MIPEP: variants seen among roughly 807,000 people sequenced by gnomAD.
MIPEP encodes the protein mitochondrial intermediate peptidase.
A neutral mutation model predicts 90.3 loss-of-function variants in MIPEP; 79 were observed. The ratio of observed to expected loss-of-function variants is 0.87; its 90% CI spans 0.73 to 1.05. The LOEUF (loss-of-function observed/expected upper bound fraction) is 1.05, where lower values mean the gene tolerates loss of function less well. Ranked by LOEUF, MIPEP falls within the 50% of genes least tolerant of loss-of-function variation. The pLI is 0.00. For missense variants in MIPEP, 940 were observed against 905.6 expected (o/e 1.04, Z -0.49); for synonymous variants, 334 against 315.8 (o/e 1.06, Z -0.61).
At chr13:23,781,774 T>C (rs1186261006) in intron 16 of MIPEP, among the ~76,000 whole-genome samples, 1 of 151,362 alleles carries the variant, frequency 6.6e-6, no homozygotes, top group Admixed American at 6.6e-5. Context: ...ACCAAGCAAA[T>C]GGAAAACAAA....
At chr13:23,831,707 C>G (rs1868775613) in intron 14 of MIPEP, among the ~76,000 whole-genome samples, 1 of 152,152 alleles carries the variant, frequency 6.6e-6, no homozygotes, top group African/African-American at 2.4e-5. Context: ...ACCCAGCCTC[C>G]AGAGAGAGCT....
intron 2 of MIPEP, among the ~76,000 whole-genome samples, chr13:23,884,399 A>G (rs1593211647): frequency 6.6e-6 from 1 of 152,196 alleles, no homozygotes; most frequent in Admixed American, 6.5e-5. Context: ...TTTTTTAAAG[A>G]TGGAGAGGCT....
At chr13:23,764,594 T>C (rs1248510484) in intron 16 of MIPEP, among the ~76,000 whole-genome samples, 1 of 152,244 alleles carries the variant, frequency 6.6e-6, no homozygotes, top group African/African-American at 2.4e-5. Context: ...GGTCTCACTC[T>C]GTGACTCAGG....
chr13:23,855,780 G>C (rs1338635139), intron 10 of MIPEP, among the ~76,000 whole-genome samples: 3 of 152,092 alleles, frequency 2.0e-5, no homozygotes, highest in Non-Finnish European at 2.9e-5. Context: ...TTCTTTTACT[G>C]AGTTAATAGT....
intron 14 of MIPEP, among the ~76,000 whole-genome samples, chr13:23,819,699 T>C (rs1011306482): frequency 6.6e-6 from 1 of 151,912 alleles, no homozygotes; most frequent in Non-Finnish European, 1.5e-5. Flanking sequence ...AATTCTCCAC[T>C]TTTTATTAAA....
At chr13:23,842,741 G>A (rs1242585020) in intron 10 of MIPEP, among the ~76,000 whole-genome samples, 1 of 152,206 alleles carries the variant, frequency 6.6e-6, no homozygotes, top group Admixed American at 6.5e-5. Context: ...GAGGGCAAAG[G>A]AGAGCATGAT....
intron 16 of MIPEP, among the ~76,000 whole-genome samples, chr13:23,775,837 T>C (rs1262189827): frequency 6.6e-6 from 1 of 152,192 alleles, no homozygotes; most frequent in East Asian, 1.9e-4. Context: ...TTCTGTTTCA[T>C]CAGCATAATG....
rs539976620 is a variant in MIPEP at position 23,854,857 on chromosome 13, A to G, written c.1106+4003T>C. Among the ~76,000 whole-genome samples, 174 of 151,952 alleles carry G rather than the reference A, an allele frequency of 1.1e-3. 1 individual carries two copies. Among genetic ancestry groups the G allele is most frequent in the African/African-American group, 4.1e-3 (168 of 41,438 alleles). ...CAGCGAGCTGAGATCACGTCACTGCACTCCAGCCTGGGCAACAGAGGAAGA... is the reference window on the plus strand; with the variant it reads ...CAGCGAGCTGAGATCACGTCACTGCGCTCCAGCCTGGGCAACAGAGGAAGA... On this transcript the variant is annotated intron_variant, in intron 10 of 18. Transcript: ENST00000382172.
intron 13 of MIPEP, among the ~76,000 whole-genome samples, chr13:23,837,046 A>G (rs1053949306): frequency 3.9e-5 from 6 of 152,244 alleles, no homozygotes; most frequent in African/African-American, 1.2e-4. Flanking sequence ...GAAGTCTGTA[A>G]TATCACAAAA....
In MIPEP at chr13:23,741,220, G is replaced by A. The variant is rs112584818; in HGVS notation, c.2045-10775C>T. Among the ~76,000 whole-genome samples, 1,060 of 152,288 alleles carry A rather than the reference G, an allele frequency of 7.0e-3. 17 individuals are homozygous for A. The highest frequency in any genetic ancestry group is 0.025 in the African/African-American group (1,019 of 41,552). ...AAAGGAATGCTTATACACTGTTGGC[G>A]GGGGTATAAATTAGTTCAGCCATTG... On this transcript the variant is annotated intron_variant, in intron 18 of 18. Transcript: ENST00000382172.
At chr13:23,858,317 T>A (rs535551324) in intron 10 of MIPEP, among the ~76,000 whole-genome samples, 1 of 151,464 alleles carries the variant, frequency 6.6e-6, no homozygotes, top group Non-Finnish European at 1.5e-5. Context: ...GCCAGAGGAG[T>A]ACTTCTGTCA....
chr13:23,874,815 G>T (rs1367781249), intron 5 of MIPEP, 31 bp downstream of exon 5: 2 of 1,548,822 alleles, frequency 1.3e-6, no homozygotes, highest in South Asian at 1.2e-5. Context: ...AGTAAAACTG[G>T]AAGAGTCAAA....
chr13:23,843,297 A>C (rs981469684), intron 10 of MIPEP, among the ~76,000 whole-genome samples: 1 of 152,134 alleles, frequency 6.6e-6, no homozygotes, highest in African/African-American at 2.4e-5. Context: ...AAATGTAGAA[A>C]GAATGGGAGC....
intron 18 of MIPEP, among the ~76,000 whole-genome samples, chr13:23,746,390 T>C (rs1317429884): frequency 6.6e-6 from 1 of 151,434 alleles, no homozygotes; most frequent in Non-Finnish European, 1.5e-5. Flanking sequence ...TCTCAGCACT[T>C]TGGGAGGCTG....
At position 23,873,457 on chromosome 13, in the gene MIPEP, C is replaced by T. The variant is rs141887205; in HGVS notation, c.603+1389G>A. Among the ~76,000 whole-genome samples the T allele has an allele frequency of 2.1e-3, 324 of 152,266 alleles. 3 individuals are homozygous for T. The East Asian group carries it at 0.039, about 18-fold the overall frequency. ...GGAGTCTGTCTGGCTTACAAAATAA[C>T]GTCCCACAACCTCTACAGCCTTGGT... On this transcript the variant is annotated intron_variant, in intron 5 of 18. Coordinates refer to ENST00000382172, the MANE Select transcript of MIPEP (RefSeq NM_005932.4).
intron 18 of MIPEP, among the ~76,000 whole-genome samples, chr13:23,738,064 T>C (rs1476183326): frequency 5.3e-5 from 8 of 152,234 alleles, no homozygotes; most frequent in South Asian, 2.1e-4. Context: ...AAACTATTAA[T>C]TGAATATTTG....
intron 18 of MIPEP, among the ~76,000 whole-genome samples, chr13:23,754,332 C>A (rs1247194314): frequency 1.3e-5 from 2 of 152,100 alleles, no homozygotes; most frequent in African/African-American, 4.8e-5. Context: ...TTTGCATGTC[C>A]CCCATTCATC....
chr13:23,812,968 A>G (rs1031201848), intron 14 of MIPEP, among the ~76,000 whole-genome samples: 3 of 152,210 alleles, frequency 2.0e-5, no homozygotes, highest in Non-Finnish European at 4.4e-5. Flanking sequence ...AAATACACAT[A>G]TTGTGTGTGC....
intron 14 of MIPEP, among the ~76,000 whole-genome samples, chr13:23,819,455 C>T (rs953608133): frequency 2.6e-5 from 4 of 152,092 alleles, no homozygotes; most frequent in African/African-American, 4.8e-5. Flanking sequence ...CTGCTATTGC[C>T]CAGGGGTAGC....
Sources: allele counts gnomAD v4.1 joint callset (sites outside exome capture counted in the v4.1 genomes callset), GRCh38; gene constraint gnomAD v4.1.1; transcripts MANE v1.5; gene names NCBI Gene and HGNC (gene_info 2026-07-23, HGNC 2026-07-21).